The following COL23A1 variants were observed in gnomAD, a reference collection of about 807,000 sequenced individuals.
COL23A1 encodes the protein collagen type XXIII alpha 1 chain, also known as collagen alpha-1(XXIII) chain.
A neutral mutation model predicts 99.3 loss-of-function variants in COL23A1; 97 were observed. That is an observed-to-expected ratio of 0.98 (90% CI 0.83 to 1.16). The LOEUF (loss-of-function observed/expected upper bound fraction) is 1.16, where lower values mean the gene tolerates loss of function less well. Among genes scored for constraint, COL23A1 ranks in the 50% most tolerant of loss-of-function variants. COL23A1 has a pLI of 0.00. For synonymous variants in COL23A1, 320 were observed against 308.2 expected, an observed-to-expected ratio of 1.04 and a Z score of -0.40; for missense variants, 762 against 757.4, an observed-to-expected ratio of 1.01 and a Z score of -0.07.
chr5:178,358,002 A>ATGTGTG (rs1232082036), intron 2 of COL23A1, among the ~76,000 whole-genome samples: 29 of 106,776 alleles, frequency 2.7e-4, no homozygotes, highest in African/African-American at 9.2e-4. Flanking sequence ...GTGTGTGTAT[A>ATGTGTG]TGTATGTGTG....
chr5:178,333,248 G>A (rs1338750723), intron 2 of COL23A1, among the ~76,000 whole-genome samples: 2 of 152,126 alleles, frequency 1.3e-5, no homozygotes, highest in African/African-American at 4.8e-5. Flanking sequence ...GAGCCACCGC[G>A]CCCGGCCGAC....
intron 2 of COL23A1, among the ~76,000 whole-genome samples, chr5:178,354,619 GTC>G (rs1033178979): frequency 3.3e-5 from 5 of 152,116 alleles, no homozygotes; most frequent in Non-Finnish European, 5.9e-5. Context: ...ACCCTTCGCT[GTC>G]TCTCTCTCCT....
At chr5:178,455,203 C>G (rs1459113411) in intron 2 of COL23A1, among the ~76,000 whole-genome samples, 1 of 152,238 alleles carries the variant, frequency 6.6e-6, no homozygotes, top group Non-Finnish European at 1.5e-5. Context: ...ACAGTTCAAC[C>G]CGTACCACTG....
chr5:178,467,539 T>C (rs1221330112), intron 2 of COL23A1, among the ~76,000 whole-genome samples: 3 of 152,024 alleles, frequency 2.0e-5, no homozygotes, highest in African/African-American at 7.3e-5. Flanking sequence ...TAGGGGGCGG[T>C]AGTCGGAGGG....
intron 2 of COL23A1, among the ~76,000 whole-genome samples, chr5:178,416,818 G>A (rs974583952): frequency 6.6e-6 from 1 of 152,044 alleles, no homozygotes; most frequent in South Asian, 2.1e-4. Flanking sequence ...CCCCAGGGCA[G>A]GGGCTGCATT....
chr5:178,263,609 C>T (rs1472730316), intron 8 of COL23A1, among the ~76,000 whole-genome samples: 2 of 152,186 alleles, frequency 1.3e-5, no homozygotes, highest in East Asian at 1.9e-4. Context: ...AGAGAGATGG[C>T]ACACGCTGCA....
At chr5:178,253,773 GC>G (rs1461910969) in intron 16 of COL23A1, among the ~76,000 whole-genome samples, 1 of 152,000 alleles carries the variant, frequency 6.6e-6, no homozygotes, top group Non-Finnish European at 1.5e-5. Context: ...GAGCCGCCGC[GC>G]CCGGCCGTGT....
intron 2 of COL23A1, among the ~76,000 whole-genome samples, chr5:178,359,145 T>G (rs915782756): frequency 6.6e-6 from 1 of 152,228 alleles, no homozygotes. Context: ...TAAATATTCA[T>G]GCAACCCTGG....
chr5:178,347,754 G>A (rs866162384), intron 2 of COL23A1, among the ~76,000 whole-genome samples: 7 of 151,426 alleles, frequency 4.6e-5, no homozygotes, highest in Admixed American at 3.3e-4. Context: ...ACTGGCGGGC[G>A]CCTATAATCC....
rs566938575 is a variant in COL23A1, at chr5:178,298,048, G to A, written c.407-7679C>T. ...CCAGGTGACCATATGGTGGTGTCCC[G>A]AGGTCCAGCCCTTCTGCGCACGGCC... On this transcript the variant is annotated intron_variant, in intron 3 of 28. Transcript: ENST00000390654. 1.1e-4 allele frequency among the ~76,000 whole-genome samples: 16 copies of A among 152,320 alleles called. No individual in the cohort carries two copies. The East Asian group carries it at 2.9e-3, about 28-fold the overall frequency.
At position 178,308,403 on chromosome 5, in the gene COL23A1, C is replaced by T. The variant is rs1269068835; in HGVS notation, c.362-1484G>A. 6.6e-6 allele frequency among the ~76,000 whole-genome samples: 1 copy of T among 152,152 alleles called. No homozygotes were observed. The highest frequency in any genetic ancestry group is 1.5e-5 in the Non-Finnish European group (1 of 68,020). On this transcript the variant is annotated intron_variant, in intron 2 of 28. Transcript: ENST00000390654. This position sits in a 1 kb window ranked among gnomAD's most constrained non-coding sequence, Gnocchi z 5.1. ...TTCTTGCTCCCCTGAGTTTTAAGGGCAAAAGTGCATGCCAGGGACGTAGCC... is the reference window on the plus strand; with the variant it reads ...TTCTTGCTCCCCTGAGTTTTAAGGGTAAAAGTGCATGCCAGGGACGTAGCC...
intron 2 of COL23A1, among the ~76,000 whole-genome samples, chr5:178,394,381 T>C (rs1302790529): frequency 2.0e-5 from 3 of 150,576 alleles, no homozygotes; most frequent in South Asian, 2.1e-4. Flanking sequence ...CTAGGCTGCA[T>C]AGGGCCTGCA....
intron 7 of COL23A1, among the ~76,000 whole-genome samples, chr5:178,268,356 C>A (rs533403445): frequency 3.3e-5 from 5 of 152,288 alleles, no homozygotes; most frequent in South Asian, 2.1e-4. Flanking sequence ...CCTTGTCTTC[C>A]TGATGGGTGT....
intron 2 of COL23A1, among the ~76,000 whole-genome samples, chr5:178,522,501 C>T (rs1188876279): frequency 6.6e-6 from 1 of 152,160 alleles, no homozygotes; most frequent in Non-Finnish European, 1.5e-5. Context: ...AAATGCTAAC[C>T]CCAGTCAACC....
rs764355110 is a variant in COL23A1 at position 178,239,143 on chromosome 5, T to C, written c.1618A>G (p.Lys540Glu). ...CTGGAGACTTCCCTGCACGGTACCT[T>C]ATGCCAGCAGCCAGGCACAGGCAGC... ...DGLPVPGCWH[K>E] The change falls in exon 28 of 29, where the codon AAG becomes GAG. Residue 540 changes from lysine (K) to glutamate (E), a missense_variant and splice_region_variant. Coordinates refer to ENST00000390654, the MANE Select transcript of COL23A1 (RefSeq NM_173465.4). The C allele has an allele frequency of 1.2e-6, 2 of 1,613,884 alleles. No homozygotes were observed. The highest frequency in any genetic ancestry group is 3.3e-5 in the Admixed American group (2 of 60,012).
At chr5:178,350,711 T>G (rs769506390) in intron 2 of COL23A1, among the ~76,000 whole-genome samples, 1 of 152,146 alleles carries the variant, frequency 6.6e-6, no homozygotes, top group Non-Finnish European at 1.5e-5. Flanking sequence ...CCCGAGACCC[T>G]GGGCAGCCCT....
At chr5:178,517,873 CTTTTTTTT>C (rs71577021) in intron 2 of COL23A1, among the ~76,000 whole-genome samples, 33 of 97,736 alleles carry the variant, frequency 3.4e-4, no homozygotes, top group African/African-American at 1.2e-3. Flanking sequence ...AACAGCGGTT[CTTTTTTTT>C]TTTTTTTTTT....
Position 178,242,140 on chromosome 5 carries a change from G to A in COL23A1, c.1495-12C>T, listed in dbSNP as rs1464741311. On this transcript the variant is annotated splice_polypyrimidine_tract_variant and intron_variant, in intron 26 of 28. Coordinates refer to ENST00000390654, the MANE Select transcript of COL23A1 (RefSeq NM_173465.4). ...ACCCCTCGTTCTCCCTGTGCAGGAG[G>A]GGAGATGGTGGTATTGGTCATGGCT... is the stretch of plus-strand genomic sequence containing the variant. 6.5e-7 allele frequency: 1 copy of A among 1,549,158 alleles called. No individual in the cohort carries two copies. The highest frequency in any genetic ancestry group is 1.4e-5 in the African/African-American group (1 of 73,122).
chr5:178,578,427 T>TA lies in COL23A1; in HGVS notation c.294+11476dup, dbSNP rs149945287. 7.1e-3 allele frequency among the ~76,000 whole-genome samples: 1,079 copies of TA among 152,314 alleles called. 12 individuals carry two copies. The highest frequency in any genetic ancestry group is 0.024 in the African/African-American group (1,011 of 41,566). On this transcript the variant is annotated intron_variant, in intron 1 of 28. Transcript: ENST00000390654. ...TGAAAGGAGGCTGCAGGAGGTAATA[T>TA]AACCGCCCAAGCCCCACGCAAAAAG... is the stretch of plus-strand genomic sequence containing the variant.
Sources: gnomAD v4.1 joint callset for allele counts (sites outside exome capture counted in the v4.1 genomes callset) on GRCh38, gnomAD v4.1.1 for gene constraint, Gnocchi (gnomAD v3.1) non-coding constraint, MANE v1.5 for transcripts, NCBI Gene and HGNC (gene_info 2026-07-23, HGNC 2026-07-21) for gene names.